LRRC69: variants seen among roughly 807,000 people sequenced by gnomAD.
LRRC69 encodes leucine-rich repeat-containing protein 69.
LRRC69 carries 42 observed loss-of-function variants against 37.8 expected under a neutral mutation model. That is an observed-to-expected ratio of 1.11 (90% CI 0.87 to 1.44). The LOEUF is 1.44. Ranked by LOEUF, LRRC69 falls within the 40% of genes most tolerant of loss-of-function variation. The pLI, the probability that LRRC69 is intolerant of heterozygous loss-of-function variation, is 0.00. For missense variants in LRRC69, 357 were observed against 401.9 expected, an observed-to-expected ratio of 0.89 and a Z score of 0.96; for synonymous variants, 141 against 143.1, an observed-to-expected ratio of 0.99 and a Z score of 0.11.
chr8:91,213,297 G>A (rs569845553), intron 7 of LRRC69, among the ~76,000 whole-genome samples: 4 of 152,164 alleles, frequency 2.6e-5, no homozygotes, highest in South Asian at 4.1e-4. Context: ...ATAATGTGTC[G>A]TCTAAGCCAA....
In LRRC69 at chr8:91,146,464, AGAG is replaced by A. The variant is rs1166236345; in HGVS notation, c.651+10726_651+10728del. On this transcript the variant is annotated intron_variant, in intron 5 of 7. Coordinates refer to ENST00000448384, the Ensembl canonical transcript of LRRC69. ...CTTTAAAAAATTAAAAATATTATAA[AGAG>A]AGTCTGATTGAAATCAAATGTGGCT... Among the ~76,000 whole-genome samples, 16 of 151,918 alleles carry A rather than the reference AGAG, an allele frequency of 1.1e-4. 1 individual carries two copies.
intron 5 of LRRC69, among the ~76,000 whole-genome samples, chr8:91,148,542 T>C (rs974468661): frequency 5.9e-5 from 9 of 152,030 alleles, no homozygotes; most frequent in Non-Finnish European, 1.3e-4. Context: ...GCAATAAACA[T>C]ACATGTGCAT....
intron 5 of LRRC69, among the ~76,000 whole-genome samples, chr8:91,152,395 C>A (rs1423110346): frequency 6.6e-6 from 1 of 151,564 alleles, no homozygotes; most frequent in Non-Finnish European, 1.5e-5. Flanking sequence ...AATACTTTCC[C>A]CATTGCTTGT....
chr8:91,217,688 G>T (rs1810078605), intron 7 of LRRC69, among the ~76,000 whole-genome samples: 1 of 152,156 alleles, frequency 6.6e-6, no homozygotes, highest in African/African-American at 2.4e-5. Context: ...AGTGGTAGTT[G>T]CCCAAAGGAA....
intron 7 of LRRC69, among the ~76,000 whole-genome samples, chr8:91,205,710 C>A (rs907030598): frequency 1.3e-5 from 2 of 152,048 alleles, no homozygotes; most frequent in Non-Finnish European, 2.9e-5. Flanking sequence ...TCCTCTTGAT[C>A]CAGTCATGTA....
chr8:91,102,915 A>G (rs1813246180), intron 1 of LRRC69, 71 bp downstream of exon 1: 1 of 1,375,962 alleles, frequency 7.3e-7, no homozygotes, highest in South Asian at 1.5e-5. Context: ...AAAAAGGGGT[A>G]AGAGACAGAA....
intron 5 of LRRC69, among the ~76,000 whole-genome samples, chr8:91,186,578 A>G (rs1285589102): frequency 2.0e-5 from 3 of 152,222 alleles, no homozygotes; most frequent in African/African-American, 7.2e-5. Flanking sequence ...GCCAAGTATG[A>G]CATATGAGGG....
chr8:91,169,831 TGTCCC>T (rs1809095543), intron 5 of LRRC69, among the ~76,000 whole-genome samples: 1 of 139,016 alleles, frequency 7.2e-6, no homozygotes, highest in Admixed American at 7.2e-5. Flanking sequence ...ATTTCATCCA[TGTCCC>T]TACAAAGGAC....
At chr8:91,129,786 G>T (rs1813777413) in intron 3 of LRRC69, among the ~76,000 whole-genome samples, 1 of 151,344 alleles carries the variant, frequency 6.6e-6, no homozygotes. Flanking sequence ...CCTTCCTCTC[G>T]CTCTTGCTTC....
intron 5 of LRRC69, among the ~76,000 whole-genome samples, chr8:91,149,448 C>T (rs1808687260): frequency 6.6e-6 from 1 of 151,908 alleles, no homozygotes; most frequent in Non-Finnish European, 1.5e-5. Flanking sequence ...GTCTATATCT[C>T]TGTTTTGGTA....
chr8:91,105,192 A>G (rs1335904227), intron 1 of LRRC69, among the ~76,000 whole-genome samples: 1 of 151,972 alleles, frequency 6.6e-6, no homozygotes, highest in Non-Finnish European at 1.5e-5. Context: ...TATTATGTTT[A>G]GCTGTTCATG....
intron 7 of LRRC69, among the ~76,000 whole-genome samples, chr8:91,210,655 G>A (rs1809896939): frequency 6.6e-6 from 1 of 151,634 alleles, no homozygotes; most frequent in African/African-American, 2.4e-5. Flanking sequence ...AAAATAAGGA[G>A]ATTTGATATC....
intron 2 of LRRC69, among the ~76,000 whole-genome samples, chr8:91,126,707 A>T (rs1303919794): frequency 6.6e-6 from 1 of 152,026 alleles, no homozygotes; most frequent in Non-Finnish European, 1.5e-5. Context: ...CAAAAGAGAG[A>T]ATGGAGGGAG....
chr8:91,207,737 G>A (rs532416321), intron 7 of LRRC69, among the ~76,000 whole-genome samples: 224 of 152,318 alleles, frequency 1.5e-3, no homozygotes, highest in Non-Finnish European at 2.9e-3. Context: ...GTGAAGTCAC[G>A]GAAGGTGAGG....
At chr8:91,197,749 T>C (rs1020774928) in intron 6 of LRRC69, among the ~76,000 whole-genome samples, 2 of 151,552 alleles carry the variant, frequency 1.3e-5, no homozygotes, top group Non-Finnish European at 2.9e-5. Context: ...TGTCTGGCAC[T>C]CCCTAGTGAG....
intron 5 of LRRC69, among the ~76,000 whole-genome samples, chr8:91,153,259 A>C (rs1025070712): frequency 4.0e-5 from 6 of 151,330 alleles, no homozygotes; most frequent in Admixed American, 2.6e-4. Context: ...CTCCCACACA[A>C]TAATAGTAGG....
intron 6 of LRRC69, among the ~76,000 whole-genome samples, chr8:91,197,588 T>C (rs1015618023): frequency 6.6e-6 from 1 of 152,096 alleles, no homozygotes; most frequent in Non-Finnish European, 1.5e-5. Context: ...AGTATTAGGG[T>C]GGGAGTGACC....
intron 5 of LRRC69, among the ~76,000 whole-genome samples, chr8:91,143,905 C>T (rs1382052573): frequency 6.6e-6 from 1 of 151,872 alleles, no homozygotes; most frequent in Non-Finnish European, 1.5e-5. Flanking sequence ...AACAATGTAC[C>T]CATTGTGTGA....
At chr8:91,197,513 C>T (rs112895271) in intron 6 of LRRC69, among the ~76,000 whole-genome samples, 14 of 152,206 alleles carry the variant, frequency 9.2e-5, no homozygotes, top group African/African-American at 3.4e-4. Context: ...GGCGTAGGAC[C>T]CTCCGAGCCA....
Sources: allele counts gnomAD v4.1 joint callset (sites outside exome capture counted in the v4.1 genomes callset), GRCh38; gene constraint gnomAD v4.1.1; transcripts MANE v1.5; gene names NCBI Gene and HGNC (gene_info 2026-07-23, HGNC 2026-07-21).